The following MADD variants were observed in gnomAD, a reference collection of about 807,000 sequenced individuals.
MADD encodes MAP kinase-activating death domain protein.
In MADD, 109 loss-of-function variants were observed where a neutral mutation model predicts 176.7. The observed-to-expected ratio is 0.62, with a 90% CI of 0.53 to 0.72. The LOEUF is 0.72. Among genes scored for constraint, MADD ranks in the 30% least tolerant of loss-of-function variants. The pLI, the probability that MADD is intolerant of heterozygous loss-of-function variation, is 0.00. For synonymous variants in MADD, 771 were observed against 771.3 expected (o/e 1.00, Z 0.01); for missense variants, 1,914 against 2,045.5 (o/e 0.94, Z 1.24).
intron 10 of MADD, 26 bp downstream of exon 10, chr11:47,282,995 G>C: frequency 6.2e-7 from 1 of 1,603,738 alleles, no homozygotes; most frequent in South Asian, 1.1e-5. Flanking sequence ...GCAGCAAAAA[G>C]GTTTTAAAGG....
chr11:47,296,764 G>GTTTTTTTTTT (rs753454831), intron 22 of MADD, among the ~76,000 whole-genome samples: 12 of 116,890 alleles, frequency 1.0e-4, no homozygotes, highest in Non-Finnish European at 1.2e-4. Context: ...GTTTTTTGTT[G>GTTTTTTTTTT]TTTTTTTTTT....
chr11:47,285,312 C>G (rs143291122), intron 13 of MADD, 118 bp downstream of exon 13: 1 of 1,549,802 alleles, frequency 6.5e-7, no homozygotes, highest in African/African-American at 1.4e-5. Context: ...TCCTGCCATC[C>G]CCAGAGGATG....
exon 22 of MADD, chr11:47,296,008 T>G: frequency 6.2e-7 from 1 of 1,614,088 alleles, no homozygotes; most frequent in Non-Finnish European, 8.5e-7. Flanking sequence ...TCGGGGCACT[T>G]TGTCTGATAG....
chr11:47,272,549 C>T (rs1252007941), intron 1 of MADD, among the ~76,000 whole-genome samples: 1 of 152,098 alleles, frequency 6.6e-6, no homozygotes, highest in African/African-American at 2.4e-5. Context: ...ATGTAGAGCA[C>T]AGAGGTAGAA....
In MADD at chr11:47,296,115, A is replaced by T. The variant is rs2071454297; in HGVS notation, c.3642+60A>T. 3.2e-6 allele frequency: 5 copies of T among 1,573,960 alleles called. No individual in the cohort carries two copies. In the South Asian group the frequency reaches 5.7e-5, roughly 18 times the overall value. ...CTTTAATGGGGGAGGGAAGCAGGCAAGAAAAGAATGAAAGTTAAGAGACGC... is the reference window on the plus strand; with the variant it reads ...CTTTAATGGGGGAGGGAAGCAGGCATGAAAAGAATGAAAGTTAAGAGACGC... On this transcript the variant is annotated intron_variant, in intron 22 of 32. Transcript: ENST00000402192.
At chr11:47,275,116 C>A (rs780414854) in exon 3 of MADD, 2 of 1,614,066 alleles carry the variant, frequency 1.2e-6, no homozygotes, top group Non-Finnish European at 1.7e-6. Flanking sequence ...CTGTAGTGAG[C>A]GCCTTCTGGG....
chr11:47,328,205 A>T (rs1165034390), intron 31 of MADD: 1 of 1,068,478 alleles, frequency 9.4e-7, no homozygotes, highest in Non-Finnish European at 1.1e-6. Flanking sequence ...GTTTAACATG[A>T]CCCAATTTTC....
rs1484026738 is a variant in MADD at position 47,306,197 on chromosome 11, AG to A, written c.3643-2392del. Among the ~76,000 whole-genome samples the A allele has an allele frequency of 1.8e-4, 28 of 152,272 alleles. No homozygotes were observed. In the Middle Eastern group the frequency reaches 0.014, roughly 74 times the overall value. ...CAGCCCAAGGGGAGTGGGGAGGGGT[AG>A]GTGGAGTGGCTCTGCCTCCACTTGG... On this transcript the variant is annotated intron_variant, in intron 22 of 32. Coordinates refer to ENST00000402192, the Ensembl canonical transcript of MADD.
chr11:47,278,111 A>G, intron 5 of MADD, 54 bp from the exon 6 acceptor site: 1 of 1,175,414 alleles, frequency 8.5e-7, no homozygotes. Flanking sequence ...AGACTTGATA[A>G]GTGCTCATGA....
At chr11:47,307,065 C>A (rs958547475) in intron 22 of MADD, among the ~76,000 whole-genome samples, 2 of 137,278 alleles carry the variant, frequency 1.5e-5, no homozygotes, top group African/African-American at 2.9e-5. Context: ...TCCCTCCTGG[C>A]TGAGATTTTT....
chr11:47,309,266 C>G lies in MADD; in HGVS notation c.3752-15C>G, dbSNP rs774399899. ...ATGTTAAATAGGCCCCCTAAGAAAC[C>G]TTTATTCTATGCAGGCAAAGAGCGT... On this transcript the variant is annotated splice_polypyrimidine_tract_variant and intron_variant, in intron 23 of 32. Coordinates refer to ENST00000402192, the Ensembl canonical transcript of MADD. 2 of 1,611,730 alleles carry G rather than the reference C, an allele frequency of 1.2e-6. No individual in the cohort carries two copies. Among genetic ancestry groups the G allele is most frequent in the Admixed American group, 3.4e-5 (2 of 59,374 alleles).
intron 32 of MADD, 127 bp downstream of exon 36, chr11:47,328,831 G>C (rs1204337038): frequency 2.4e-6 from 3 of 1,260,834 alleles, no homozygotes; most frequent in Non-Finnish European, 3.4e-6. Context: ...GTTGCCAAAG[G>C]TTCAACTCAG....
rs138027707 is a variant in MADD, at chr11:47,274,917, C to G, written c.417C>G (p.Gly139=). ...GTGGCACTGAGAGCTCAGAGAGTGG[C>G]TCATCCCTGCAGCCTCTCAGTGCTG... is the stretch of plus-strand genomic sequence containing the variant. The change falls in exon 3 of 33, where the codon GGC becomes GGG. Residue 139 remains glycine, a synonymous_variant. Transcript: ENST00000402192. The G allele has an allele frequency of 1.6e-3, 2,578 of 1,613,724 alleles. 4 individuals carry two copies. Among genetic ancestry groups the G allele is most frequent in the Non-Finnish European group, 2.0e-3 (2,365 of 1,179,764 alleles).
At chr11:47,279,675 G>A (rs1008992383) in intron 7 of MADD, among the ~76,000 whole-genome samples, 2 of 151,246 alleles carry the variant, frequency 1.3e-5, no homozygotes, top group South Asian at 2.1e-4. Context: ...CACTGCGCCC[G>A]GCCGATTTTC....
intron 21 of MADD, 51 bp downstream of exon 23, chr11:47,295,630 T>C (rs1284677441): frequency 6.2e-7 from 1 of 1,612,302 alleles, no homozygotes. Context: ...GGATTTCCCC[T>C]TTGGAAAAGG....
chr11:47,308,456 C>A (rs994497444), intron 22 of MADD, 135 bp from the exon 25 acceptor site: 30 of 589,470 alleles, frequency 5.1e-5, no homozygotes, highest in Non-Finnish European at 8.2e-5. Context: ...AGTGGACTTG[C>A]AGAAGCAGGG....
chr11:47,290,420 T>C (rs1292855133), intron 18 of MADD, 121 bp downstream of exon 19: 4 of 1,384,088 alleles, frequency 2.9e-6, no homozygotes, highest in Non-Finnish European at 3.9e-6. Flanking sequence ...CATTAGGCTT[T>C]GGGATTTTAT....
chr11:47,320,064 C>T (rs928764277), intron 27 of MADD, among the ~76,000 whole-genome samples: 3 of 148,242 alleles, frequency 2.0e-5, no homozygotes, highest in African/African-American at 4.9e-5. Flanking sequence ...TATACCTTTC[C>T]GTGTCTTTTT....
At chr11:47,303,243 T>TG (rs2079434623) in intron 22 of MADD, among the ~76,000 whole-genome samples, 1 of 146,826 alleles carries the variant, frequency 6.8e-6, no homozygotes, top group Non-Finnish European at 1.5e-5. Context: ...CTTGCTGTTT[T>TG]TTTTTTTTTT....
Sources: gnomAD v4.1 joint callset for allele counts (sites outside exome capture counted in the v4.1 genomes callset) on GRCh38, gnomAD v4.1.1 for gene constraint, MANE v1.5 for transcripts, NCBI Gene and HGNC (gene_info 2026-07-23, HGNC 2026-07-21) for gene names.